Variants in DNAI1 observed in about 807,000 individuals in gnomAD.
DNAI1 encodes the protein dynein axonemal intermediate chain 1.
DNAI1 carries 67 observed loss-of-function variants against 92.0 expected under a neutral mutation model. The observed-to-expected ratio is 0.73, with a 90% CI of 0.60 to 0.89. The LOEUF is 0.89. Ranked by LOEUF, DNAI1 falls within the 40% of genes least tolerant of loss-of-function variation. The pLI is 0.00. For synonymous variants in DNAI1, 323 were observed against 319.6 expected, an observed-to-expected ratio of 1.01 and a Z score of -0.11; for missense variants, 839 against 866.6, an observed-to-expected ratio of 0.97 and a Z score of 0.40.
chr9:34,479,418 G>A (rs984129568), intron 1 of DNAI1, among the ~76,000 whole-genome samples: 1 of 152,166 alleles, frequency 6.6e-6, no homozygotes, highest in African/African-American at 2.4e-5. Flanking sequence ...GGGAAGTTAG[G>A]GCTGTAGCTG....
intron 1 of DNAI1, chr9:34,478,896 G>A (rs1380213770): frequency 6.6e-6 from 1 of 152,258 alleles, no homozygotes; most frequent in Non-Finnish European, 1.5e-5. Context: ...CTAACAGAGT[G>A]TCTATTTACG....
chr9:34,468,267 C>T (rs1035512166), intron 1 of DNAI1, among the ~76,000 whole-genome samples: 2 of 151,874 alleles, frequency 1.3e-5, no homozygotes, highest in Non-Finnish European at 2.9e-5. Context: ...CTGCAAGCTC[C>T]TCCTTCCAGG....
chr9:34,504,505 C>T (rs1050091043), intron 12 of DNAI1, among the ~76,000 whole-genome samples: 2 of 152,222 alleles, frequency 1.3e-5, no homozygotes, highest in African/African-American at 4.8e-5. Context: ...GGCCACTGTG[C>T]TTGCTGGGTT....
At chr9:34,513,029 T>G in intron 15 of DNAI1, 83 bp from the exon 16 acceptor site, 10 of 1,103,668 alleles carry the variant, frequency 9.1e-6, no homozygotes, top group Non-Finnish European at 1.4e-5. Context: ...GTGCCTGGGC[T>G]GAGCTCCTCT....
At chr9:34,476,147 C>A (rs936245575) in intron 1 of DNAI1, among the ~76,000 whole-genome samples, 1 of 152,102 alleles carries the variant, frequency 6.6e-6, no homozygotes, top group African/African-American at 2.4e-5. Flanking sequence ...GAATAATGAC[C>A]GTACAATGCC....
At chr9:34,472,790 T>C (rs1473260331) in intron 1 of DNAI1, among the ~76,000 whole-genome samples, 1 of 151,808 alleles carries the variant, frequency 6.6e-6, no homozygotes, top group Non-Finnish European at 1.5e-5. Flanking sequence ...TATTCCTAGC[T>C]ACTTGGGAGG....
At chr9:34,506,300 C>G (rs1824928269) in intron 12 of DNAI1, among the ~76,000 whole-genome samples, 1 of 152,196 alleles carries the variant, frequency 6.6e-6, no homozygotes, top group Non-Finnish European at 1.5e-5. Flanking sequence ...TCTGAGGGTT[C>G]TGCTCCTTCC....
Position 34,489,324 on chromosome 9 carries a change from A to G in DNAI1, c.263A>G (p.Glu88Gly), listed in dbSNP as rs767566929. 4 of 1,613,972 alleles carry G rather than the reference A, an allele frequency of 2.5e-6. No homozygotes were observed. Among genetic ancestry groups the G allele is most frequent in the Non-Finnish European group, 1.7e-6 (2 of 1,179,926 alleles). The part of the protein sequence containing the change: ...PQNIVRYSFK[E>G]GTYKPIGFVN... ...CTGACTCAGCCCCTCTCTTCTTAGGAAGGCACATATAAGCCTATTGGCTTT... is the reference window on the plus strand; with the variant it reads ...CTGACTCAGCCCCTCTCTTCTTAGGGAGGCACATATAAGCCTATTGGCTTT... Residue 88 changes from glutamate (E) to glycine (G), a missense_variant and splice_region_variant, in exon 5 of 20, where the codon GAA becomes GGA. Coordinates refer to ENST00000242317, the MANE Select transcript of DNAI1 (RefSeq NM_012144.4).
intron 1 of DNAI1, among the ~76,000 whole-genome samples, chr9:34,464,428 C>T (rs1275647902): frequency 6.6e-6 from 1 of 152,090 alleles, no homozygotes; most frequent in Non-Finnish European, 1.5e-5. Context: ...CTATGTGCTG[C>T]CCCCTTTCTG....
Position 34,520,955 on chromosome 9 carries a change from T to C in DNAI1, c.*199T>C. 1 of 640,032 alleles carries C rather than the reference T, an allele frequency of 1.6e-6. No individual in the cohort carries two copies. Among genetic ancestry groups the C allele is most frequent in the South Asian group, 1.8e-5 (1 of 55,798 alleles). The allele number at this position is 640,032 out of a possible 1,614,324, so 39.6% of individuals were successfully genotyped here. ...CTTCAACCACCATTACCCCTCTAAC[T>C]TTGCACAAATAAACCTGTGTAGAAA... On this transcript the variant is annotated 3_prime_UTR_variant, in exon 20 of 20. Transcript: ENST00000242317.
Position 34,512,355 on chromosome 9 carries a change from G to A in DNAI1, c.1420G>A (p.Asp474Asn). 1 of 1,614,092 alleles carries A rather than the reference G, an allele frequency of 6.2e-7. No homozygotes were observed. The highest frequency in any genetic ancestry group is 8.5e-7 in the Non-Finnish European group (1 of 1,180,006). The change falls in exon 15 of 20, where the codon GAT (aspartate) becomes AAT (asparagine). Residue 474 changes from aspartate (D) to asparagine (N), a missense_variant. Coordinates refer to ENST00000242317, the MANE Select transcript of DNAI1 (RefSeq NM_012144.4). ...GCTACAGAGAAAGCTGGTTCACATAGATGTCATCAAGCTGAAGGTGGAAGG... is the reference window on the plus strand; with the variant it reads ...GCTACAGAGAAAGCTGGTTCACATAAATGTCATCAAGCTGAAGGTGGAAGG... ...TLVKRKLVHI[D>N]VIKLKVEGST...
At chr9:34,488,272 T>G (rs917437283) in intron 4 of DNAI1, 3 of 174,470 alleles carry the variant, frequency 1.7e-5, no homozygotes, top group African/African-American at 7.2e-5. Flanking sequence ...AGCAGCAGAA[T>G]AAAGATTCAA....
At position 34,490,397 on chromosome 9, in the gene DNAI1, T is replaced by C; in HGVS notation, c.530T>C (p.Leu177Ser). The C allele has an allele frequency of 6.2e-7, 1 of 1,614,186 alleles. No individual in the cohort carries two copies. The highest frequency in any genetic ancestry group is 1.6e-4 in the Middle Eastern group (1 of 6,062). ...GAAEKVTEEE[L>S]MTPKQPKERK... ...GCTGAAAAAGTGACTGAAGAAGAATTGATGACTCCTAAGCAGCCCAAGGAG... is the reference window on the plus strand; with the variant it reads ...GCTGAAAAAGTGACTGAAGAAGAATCGATGACTCCTAAGCAGCCCAAGGAG... Residue 177 changes from leucine to serine, a missense_variant, in exon 7 of 20, where the codon TTG becomes TCG. Transcript: ENST00000242317.
chr9:34,501,982 G>A (rs1824841433), intron 12 of DNAI1, among the ~76,000 whole-genome samples: 1 of 152,176 alleles, frequency 6.6e-6, no homozygotes, highest in African/African-American at 2.4e-5. Context: ...ACGGGAGAGG[G>A]CCCTACACTT....
At chr9:34,510,923 C>G in intron 13 of DNAI1, among the ~76,000 whole-genome samples, 1 of 152,222 alleles carries the variant, frequency 6.6e-6, no homozygotes, top group East Asian at 1.9e-4. Context: ...CCTGGACAGA[C>G]CAAGACAGGA....
At chr9:34,517,149 T>A in intron 18 of DNAI1, 136 bp from the exon 19 acceptor site, 1 of 888,202 alleles carries the variant, frequency 1.1e-6, no homozygotes. Context: ...AAATTCCCCC[T>A]CCCTCCACCT....
chr9:34,467,099 G>A lies in DNAI1; in HGVS notation c.48+8046G>A, dbSNP rs984854476. Among the ~76,000 whole-genome samples the A allele has an allele frequency of 3.9e-5, 6 of 152,188 alleles. No individual in the cohort carries two copies. The East Asian group carries it at 5.8e-4, about 15-fold the overall frequency. On this transcript the variant is annotated intron_variant, in intron 1 of 19. Transcript: ENST00000242317. ...GCTCCTCCAGTGGAAGATATAACTC[G>A]CTTTACTCTAAAGTAACTTCCATAT...
In DNAI1 at chr9:34,514,642, C is replaced by T; in HGVS notation, c.1721C>T (p.Thr574Ile). ...TVKIWDHTIK[T>I]PMFIYDLNSA... ...CTTTCCACCCTCCACCTCTGCAGGA[C>T]CCCGATGTTCATCTATGACCTGAAC... The change falls in exon 18 of 20, where the codon ACC (threonine) becomes ATC (isoleucine). Residue 574 changes from threonine (T) to isoleucine (I), a missense_variant and splice_region_variant. By Grantham distance (89) the Thr-to-Ile change is moderately conservative (BLOSUM62 -1). Coordinates refer to ENST00000242317, the MANE Select transcript of DNAI1 (RefSeq NM_012144.4). The T allele has an allele frequency of 6.2e-7, 1 of 1,614,220 alleles. No individual in the cohort carries two copies. Among genetic ancestry groups the T allele is most frequent in the Non-Finnish European group, 8.5e-7 (1 of 1,180,052 alleles).
intron 4 of DNAI1, among the ~76,000 whole-genome samples, chr9:34,488,756 G>A (rs10972136): frequency 0.19 from 28,652 of 152,180 alleles, 3,111 homozygotes; most frequent in African/African-American, 0.3. Context: ...TTTCAAGAAT[G>A]GATGAACAAA....
Sources: gnomAD v4.1 joint callset for allele counts (sites outside exome capture counted in the v4.1 genomes callset) on GRCh38, gnomAD v4.1.1 for gene constraint, MANE v1.5 for transcripts, NCBI Gene and HGNC (gene_info 2026-07-23, HGNC 2026-07-21) for gene names.